GEMIN6: variants seen among roughly 807,000 people sequenced by gnomAD.
The protein encoded by GEMIN6 is gem nuclear organelle associated protein 6.
In GEMIN6, 13 loss-of-function variants were observed where a neutral mutation model predicts 14.1. The observed-to-expected ratio is 0.92, with a 90% CI of 0.60 to 1.46. The LOEUF is 1.46. GEMIN6 is among the 40% of genes most tolerant of loss of function. The probability of loss-of-function intolerance (pLI) is 0.00; values close to 1 mark genes in which losing one functional copy is unlikely to be tolerated. For synonymous variants in GEMIN6, 87 were observed against 70.0 expected (o/e 1.24, Z -1.21); for missense variants, 271 against 202.4 (o/e 1.34, Z -2.06).
chr2:38,780,926 G>A (rs1013997057), intron 2 of GEMIN6, among the ~76,000 whole-genome samples: 31 of 150,896 alleles, frequency 2.1e-4, no homozygotes, highest in African/African-American at 7.5e-4. Context: ...ACCATGCCCG[G>A]CCTAGTTATT....
intron 2 of GEMIN6, 114 bp from the exon 3 acceptor site, chr2:38,781,402 TA>T: frequency 9.2e-7 from 1 of 1,089,412 alleles, no homozygotes; most frequent in Non-Finnish European, 1.3e-6. Flanking sequence ...GTTTGTTGAA[TA>T]AATGGAAGCA....
chr2:38,779,237 T>G (rs780920870), intron 2 of GEMIN6, 119 bp downstream of exon 2: 23 of 1,156,784 alleles, frequency 2.0e-5, no homozygotes, highest in Non-Finnish European at 2.3e-5. Context: ...CATATAAGAA[T>G]TTTTTGTTTG....
At position 38,781,890 on chromosome 2, in the gene GEMIN6, T is replaced by A. The variant is rs1307375217; in HGVS notation, c.502T>A (p.Ter168ArgextTer22). 3 of 1,600,472 alleles carry A rather than the reference T, an allele frequency of 1.9e-6. No homozygotes were observed. Among genetic ancestry groups the A allele is most frequent in the Non-Finnish European group, 2.6e-6 (3 of 1,172,236 alleles). Residue 168 changes from the stop codon to arginine (R), a stop_lost, in exon 3 of 3, where the codon TGA (stop) becomes AGA (arginine). Transcript: ENST00000281950. ...TGAAGGACATCTTACAGCTTCCCAA[T>A]GAGAGGCCAGGAAGTGTGAACATAC... ...LIEGHLTASQ* is the reference protein window; with the variant it reads ...LIEGHLTASQR
Position 38,781,571 on chromosome 2 carries a change from G to T in GEMIN6, c.183G>T (p.Met61Ile). The T allele has an allele frequency of 6.2e-7, 1 of 1,613,836 alleles. No homozygotes were observed. The highest frequency in any genetic ancestry group is 1.1e-5 in the South Asian group (1 of 91,006). ...GCAGCATGTCTGTGACCGGAATTAT[G>T]GGACATGCTGTGCAGACTGTTGAAA... Reference protein sequence around the residue: ...EDGSMSVTGIMGHAVQTVETM... With the variant: ...EDGSMSVTGIIGHAVQTVETM... The change falls in exon 3 of 3, where the codon ATG becomes ATT. Residue 61 changes from methionine to isoleucine, a missense_variant. Met to Ile is a conservative substitution (Grantham distance 10). Coordinates refer to ENST00000281950, the MANE Select transcript of GEMIN6 (RefSeq NM_024775.10).
Position 38,779,000 on chromosome 2 carries a change from T to G in GEMIN6, c.10T>G (p.Trp4Gly). 1 of 1,611,280 alleles carries G rather than the reference T, an allele frequency of 6.2e-7. No homozygotes were observed. The highest frequency in any genetic ancestry group is 8.5e-7 in the Non-Finnish European group (1 of 1,179,020). Residue 4 changes from tryptophan to glycine, a missense_variant, in exon 2 of 3, where the codon TGG becomes GGG. Trp to Gly is a radical substitution (Grantham distance 184, BLOSUM62 -2). Coordinates refer to ENST00000281950, the MANE Select transcript of GEMIN6 (RefSeq NM_024775.10). MSEWMKKGPLEWQD... is the reference protein window; with the variant it reads MSEGMKKGPLEWQD... Reference sequence around the variant, plus strand: ...TAGCCAGGTGGCAATCATGAGTGAATGGATGAAGAAAGGCCCCTTAGAATG... The same window carrying G: ...TAGCCAGGTGGCAATCATGAGTGAAGGGATGAAGAAAGGCCCCTTAGAATG...
intron 1 of GEMIN6, 101 bp downstream of exon 1, chr2:38,778,382 T>C (rs1361712965): frequency 6.6e-6 from 1 of 152,120 alleles, no homozygotes; most frequent in African/African-American, 2.4e-5. Flanking sequence ...AAATCTAAGC[T>C]CTAGAGCTGT....
Position 38,779,013 on chromosome 2 carries a change from G to A in GEMIN6, c.23G>A (p.Gly8Asp), listed in dbSNP as rs763381132. 5.0e-6 allele frequency: 8 copies of A among 1,612,856 alleles called. No homozygotes were observed. The highest frequency in any genetic ancestry group is 5.9e-6 in the Non-Finnish European group (7 of 1,179,540). ...ATCATGAGTGAATGGATGAAGAAAG[G>A]CCCCTTAGAATGGCAAGATTACATT... is the stretch of plus-strand genomic sequence containing the variant. MSEWMKK[G>D]PLEWQDYIYK... Residue 8 changes from glycine (G) to aspartate (D), a missense_variant, in exon 2 of 3, where the codon GGC (glycine) becomes GAC (aspartate). Transcript: ENST00000281950.
In GEMIN6 at chr2:38,779,145, A is replaced by G; in HGVS notation, c.128+27A>G. ...TGAGTATGCATCCTACTTGCCTGAA[A>G]TCTTGACACCCCTTTGTGCTGCCTG... On this transcript the variant is annotated intron_variant, in intron 2 of 2. Transcript: ENST00000281950. The G allele has an allele frequency of 2.5e-6, 4 of 1,598,654 alleles. 1 individual carries two copies. Among genetic ancestry groups the G allele is most frequent in the East Asian group, 2.3e-5 (1 of 44,418 alleles).
chr2:38,784,530 CAA>C lies in GEMIN6; in HGVS notation c.*2652_*2653del, dbSNP rs35140736. ...TGGGCAGCAGAACGAGACTCTGTCTCAAAAAAAAAAAAAAAGCCACGTAGGAA... is the reference window on the plus strand; with the variant it reads ...TGGGCAGCAGAACGAGACTCTGTCTCAAAAAAAAAAAAAGCCACGTAGGAA... On this transcript the variant is annotated 3_prime_UTR_variant, in exon 3 of 3. Coordinates refer to ENST00000281950, the MANE Select transcript of GEMIN6 (RefSeq NM_024775.10). The C allele has an allele frequency of 1.3e-3, 170 of 134,310 alleles. No individual in the cohort carries two copies. The highest frequency in any genetic ancestry group is 3.8e-3 in the East Asian group (18 of 4,690). 8.3% of individuals were successfully genotyped at this position (134,310 alleles called of 1,614,324 possible).
In GEMIN6 at chr2:38,782,278, G is replaced by GC; in HGVS notation, c.*386_*387insC. 1.2e-5 allele frequency: 2 copies of GC among 163,016 alleles called. No homozygotes were observed. Among genetic ancestry groups the GC allele is most frequent in the Non-Finnish European group, 2.6e-5 (2 of 75,570 alleles). 10.1% of individuals were successfully genotyped at this position (163,016 alleles called of 1,614,324 possible). ...CCTGCCTCAGCCTCTCGAGTAGCTG[G>GC]GACTACAGGTGCACGCCACCACTCC... On this transcript the variant is annotated 3_prime_UTR_variant, in exon 3 of 3. Transcript: ENST00000281950.
rs763381132 is a variant in GEMIN6 at position 38,779,013 on chromosome 2, G to T, written c.23G>T (p.Gly8Val). 2 of 1,612,738 alleles carry T rather than the reference G, an allele frequency of 1.2e-6. No individual in the cohort carries two copies. The highest frequency in any genetic ancestry group is 1.7e-5 in the Admixed American group (1 of 59,710). Residue 8 changes from glycine to valine, a missense_variant, in exon 2 of 3, where the codon GGC becomes GTC. Gly to Val is a moderately radical substitution (Grantham distance 109). Coordinates refer to ENST00000281950, the MANE Select transcript of GEMIN6 (RefSeq NM_024775.10). The part of the protein sequence containing the change: MSEWMKK[G>V]PLEWQDYIYK... ...ATCATGAGTGAATGGATGAAGAAAG[G>T]CCCCTTAGAATGGCAAGATTACATT...
intron 2 of GEMIN6, among the ~76,000 whole-genome samples, chr2:38,780,680 G>A (rs4670894): frequency 0.6 from 91,533 of 151,336 alleles, 29,560 homozygotes; most frequent in East Asian, 0.8. Flanking sequence ...CCAGGCTGGA[G>A]TTCAATGGCT....
chr2:38,779,660 A>ATG (rs1465410466), intron 2 of GEMIN6, among the ~76,000 whole-genome samples: 3 of 28,232 alleles, frequency 1.1e-4, no homozygotes, highest in Non-Finnish European at 2.1e-4. Context: ...ATATATATAT[A>ATG]TATATTTTTT....
In GEMIN6 at chr2:38,781,942, C is replaced by T. The variant is rs1669101592; in HGVS notation, c.*50C>T. The T allele has an allele frequency of 6.7e-7, 1 of 1,489,812 alleles. No individual in the cohort carries two copies. The allele number at this position is 1,489,812 out of a possible 1,614,324, so 92.3% of individuals were successfully genotyped here. ...GATAGAAAAAGACTATATTTTATCC[C>T]TCATAAAATGTTTTAAATGTAAATG... On this transcript the variant is annotated 3_prime_UTR_variant, in exon 3 of 3. Coordinates refer to ENST00000281950, the MANE Select transcript of GEMIN6 (RefSeq NM_024775.10).
chr2:38,780,762 G>A (rs1669062310), intron 2 of GEMIN6, among the ~76,000 whole-genome samples: 1 of 151,684 alleles, frequency 6.6e-6, no homozygotes, highest in Non-Finnish European at 1.5e-5. Context: ...CTAAGTAGCT[G>A]GGATTATAGA....
In GEMIN6 at chr2:38,782,152, CTTTTTTTT is replaced by C; in HGVS notation, c.*263_*270del. The C allele has an allele frequency of 3.1e-6, 1 of 323,154 alleles. No homozygotes were observed. The highest frequency in any genetic ancestry group is 7.1e-5 in the South Asian group (1 of 14,146). 20.0% of individuals were successfully genotyped at this position (323,154 alleles called of 1,614,324 possible). A position where few individuals can be genotyped will look rare whatever the true frequency, so the allele number is the denominator to read the frequency against. ...TATGGGTCTTCTTTTTTCTTTTTTT[CTTTTTTTT>C]TTGAGATGGAGTCTCGCTCTGTTGC... On this transcript the variant is annotated 3_prime_UTR_variant, in exon 3 of 3. Coordinates refer to ENST00000281950, the MANE Select transcript of GEMIN6 (RefSeq NM_024775.10).
intron 2 of GEMIN6, among the ~76,000 whole-genome samples, chr2:38,780,922 C>T (rs1316028001): frequency 1.3e-5 from 2 of 151,728 alleles, no homozygotes; most frequent in African/African-American, 4.8e-5. Context: ...AGCCACCATG[C>T]CCGGCCTAGT....
Position 38,781,847 on chromosome 2 carries a change from G to C in GEMIN6, c.459G>C (p.Ser153=), listed in dbSNP as rs115636255. The C allele has an allele frequency of 6.2e-7, 1 of 1,613,576 alleles. No individual in the cohort carries two copies. Among genetic ancestry groups the C allele is most frequent in the South Asian group, 1.1e-5 (1 of 91,036 alleles). Residue 153 remains serine (S), a synonymous_variant, in exon 3 of 3, where the codon TCG becomes TCC. Transcript: ENST00000281950. ...GCAGCTCTAATGAGATTATTCTGTCGCGTGTTCAGGATCTTATTGAAGGAC... is the reference window on the plus strand; with the variant it reads ...GCAGCTCTAATGAGATTATTCTGTCCCGTGTTCAGGATCTTATTGAAGGAC... The part of the protein sequence containing the change: ...NCSSSNEIIL[S]RVQDLIEGHL...
Position 38,781,768 on chromosome 2 carries a change from T to C in GEMIN6, c.380T>C (p.Leu127Pro), listed in dbSNP as rs913913851. The C allele has an allele frequency of 2.6e-5, 42 of 1,614,020 alleles. No homozygotes were observed. Among genetic ancestry groups the C allele is most frequent in the Non-Finnish European group, 3.5e-5 (41 of 1,180,030 alleles). The change falls in exon 3 of 3, where the codon CTC (leucine) becomes CCC (proline). Residue 127 changes from leucine to proline, a missense_variant. By Grantham distance (98) the Leu-to-Pro change is moderately conservative. Transcript: ENST00000281950. ...GAACAGGGAGACGCTCCAAGGACTC[T>C]CTGTGTGGCTGGGGTCCTGACTATA... Reference protein sequence around the residue: ...ITEQGDAPRTLCVAGVLTIDP... With the variant: ...ITEQGDAPRTPCVAGVLTIDP...
Sources: allele counts gnomAD v4.1 joint callset (sites outside exome capture counted in the v4.1 genomes callset), GRCh38; gene constraint gnomAD v4.1.1; transcripts MANE v1.5; gene names NCBI Gene and HGNC (gene_info 2026-07-23, HGNC 2026-07-21).